Variants in KSR2 observed in about 807,000 individuals in gnomAD.
The protein encoded by KSR2 is kinase suppressor of ras 2.
Under a neutral mutation model 107.8 loss-of-function variants are expected in KSR2, and 25 were observed. The observed-to-expected ratio is 0.23, with a 90% CI of 0.17 to 0.32. The LOEUF (loss-of-function observed/expected upper bound fraction) is 0.32, where lower values mean the gene tolerates loss of function less well. Among genes scored for constraint, KSR2 ranks in the 10% least tolerant of loss-of-function variants. The pLI, the probability that KSR2 is intolerant of heterozygous loss-of-function variation, is 1.00. For missense variants in KSR2, 887 were observed against 1,268.9 expected, an observed-to-expected ratio of 0.70 and a Z score of 4.57; for synonymous variants, 480 against 507.0, an observed-to-expected ratio of 0.95 and a Z score of 0.71.
rs12426135 is a variant in KSR2, at chr12:117,520,521, C to T, written c.2219+4331G>A. On this transcript the variant is annotated intron_variant, in intron 14 of 19. Transcript: ENST00000339824. ...ATAACACAGGGTTTGCCAGTCTGAC[C>T]GAGGGCAGCAAAATGGGGTGAAAGC... Among the ~76,000 whole-genome samples, 1,011 of 152,222 alleles carry T rather than the reference C, an allele frequency of 6.6e-3. 20 individuals carry two copies. Among genetic ancestry groups the T allele is most frequent in the East Asian group, 0.06 (312 of 5,182 alleles).
At chr12:117,869,764 A>G (rs773693255) in intron 1 of KSR2, among the ~76,000 whole-genome samples, 21 of 152,210 alleles carry the variant, frequency 1.4e-4, no homozygotes, top group Non-Finnish European at 2.6e-4. Flanking sequence ...TGATGTGAGC[A>G]GTTCTGTGAT....
At position 117,457,126 on chromosome 12, in the gene KSR2, T is replaced by C. The variant is rs1870664033; in HGVS notation, c.*10073A>G. The C allele has an allele frequency of 6.6e-6, 1 of 152,268 alleles. No individual in the cohort carries two copies. The highest frequency in any genetic ancestry group is 6.5e-5 in the Admixed American group (1 of 15,288). 9.4% of individuals were successfully genotyped at this position (152,268 alleles called of 1,614,324 possible). ...GACTGGAGATTTCAGCCCCTGTCCGTGCAGACGGTGAAAGGCAAGTCCACA... is the reference window on the plus strand; with the variant it reads ...GACTGGAGATTTCAGCCCCTGTCCGCGCAGACGGTGAAAGGCAAGTCCACA... On this transcript the variant is annotated 3_prime_UTR_variant, in exon 20 of 20. Transcript: ENST00000339824.
At chr12:117,568,935 T>C (rs1878705663) in intron 7 of KSR2, among the ~76,000 whole-genome samples, 1 of 152,238 alleles carries the variant, frequency 6.6e-6, no homozygotes, top group Non-Finnish European at 1.5e-5. Flanking sequence ...GCTGGTGATC[T>C]CTGAAATACT....
chr12:117,905,767 GA>G (rs1419129182), intron 1 of KSR2, among the ~76,000 whole-genome samples: 1 of 151,426 alleles, frequency 6.6e-6, no homozygotes, highest in Non-Finnish European at 1.5e-5. Context: ...GTGATACAAG[GA>G]AAATAATAAA....
intron 3 of KSR2, among the ~76,000 whole-genome samples, chr12:117,771,411 C>A (rs914263511): frequency 1.3e-5 from 2 of 152,152 alleles, no homozygotes; most frequent in Non-Finnish European, 2.9e-5. Context: ...TCATGTCTCC[C>A]TAAAATGTAT....
intron 3 of KSR2, among the ~76,000 whole-genome samples, chr12:117,816,037 G>GTC (rs1202902737): frequency 1.5e-5 from 2 of 135,284 alleles, no homozygotes; most frequent in African/African-American, 5.8e-5. Context: ...GTGTGTGTGT[G>GTC]TGTTGGGGAG....
At chr12:117,911,302 C>T (rs115386639) in intron 1 of KSR2, among the ~76,000 whole-genome samples, 44 of 152,188 alleles carry the variant, frequency 2.9e-4, no homozygotes, top group African/African-American at 1.0e-3. Context: ...CTGCCACATC[C>T]GAGCCAAATA....
At chr12:117,901,100 C>T (rs1174902332) in intron 1 of KSR2, among the ~76,000 whole-genome samples, 2 of 152,024 alleles carry the variant, frequency 1.3e-5, no homozygotes, top group African/African-American at 4.8e-5. Context: ...TGAAACAGTG[C>T]ACAGTGCGTC....
At chr12:117,731,760 T>C (rs558270704) in intron 4 of KSR2, among the ~76,000 whole-genome samples, 1 of 152,038 alleles carries the variant, frequency 6.6e-6, no homozygotes, top group African/African-American at 2.4e-5. Flanking sequence ...CTCTGAAACA[T>C]GTGCTGTGTC....
At chr12:117,824,899 G>T (rs1199031786) in intron 3 of KSR2, among the ~76,000 whole-genome samples, 2 of 149,186 alleles carry the variant, frequency 1.3e-5, no homozygotes, top group Admixed American at 1.3e-4. Context: ...ACCTGACAAA[G>T]CTGGGAGCAG....
chr12:117,723,353 CCATCA>C (rs1887288577), intron 4 of KSR2, among the ~76,000 whole-genome samples: 1 of 152,118 alleles, frequency 6.6e-6, no homozygotes, highest in African/African-American at 2.4e-5. Flanking sequence ...TTCAACCAAC[CCATCA>C]CAACAGTTCC....
intron 1 of KSR2, among the ~76,000 whole-genome samples, chr12:117,918,274 C>T (rs529165740): frequency 6.6e-6 from 1 of 152,286 alleles, no homozygotes; most frequent in African/African-American, 2.4e-5. Flanking sequence ...TGTGCAAAAT[C>T]CTAAAACATG....
At chr12:117,481,160 G>A (rs946505851) in intron 16 of KSR2, among the ~76,000 whole-genome samples, 1 of 152,098 alleles carries the variant, frequency 6.6e-6, no homozygotes, top group Non-Finnish European at 1.5e-5. Flanking sequence ...GGTGCTATTA[G>A]TGCCTGCCCC....
chr12:117,570,173 T>C (rs529915697), intron 7 of KSR2, among the ~76,000 whole-genome samples: 1 of 152,252 alleles, frequency 6.6e-6, no homozygotes, highest in African/African-American at 2.4e-5. Context: ...CGGCTAATTT[T>C]TTGTATTTTC....
chr12:117,710,160 C>G (rs772394030), intron 4 of KSR2, among the ~76,000 whole-genome samples: 1 of 151,872 alleles, frequency 6.6e-6, no homozygotes, highest in African/African-American at 2.4e-5. Flanking sequence ...CGAGCCCCGA[C>G]AGGTAATGAT....
intron 3 of KSR2, among the ~76,000 whole-genome samples, chr12:117,819,111 G>T (rs970650782): frequency 6.6e-6 from 1 of 151,904 alleles, no homozygotes; most frequent in Non-Finnish European, 1.5e-5. Context: ...TGAGATCAGG[G>T]GCTAGGTCTG....
At chr12:117,967,101 G>T (rs1343862034) in intron 1 of KSR2, among the ~76,000 whole-genome samples, 1 of 152,174 alleles carries the variant, frequency 6.6e-6, no homozygotes, top group Non-Finnish European at 1.5e-5. Flanking sequence ...CAGTGATCTC[G>T]TGGACACCAG....
At chr12:117,800,712 C>T (rs1002084856) in intron 3 of KSR2, among the ~76,000 whole-genome samples, 2 of 152,102 alleles carry the variant, frequency 1.3e-5, no homozygotes, top group African/African-American at 4.8e-5. Context: ...TTAAGCCCCA[C>T]GTGCATTAGG....
chr12:117,800,710 C>T (rs1363451299), intron 3 of KSR2, among the ~76,000 whole-genome samples: 3 of 152,124 alleles, frequency 2.0e-5, no homozygotes, highest in Non-Finnish European at 2.9e-5. Flanking sequence ...TTTTAAGCCC[C>T]ACGTGCATTA....
Sources: allele counts gnomAD v4.1 joint callset (sites outside exome capture counted in the v4.1 genomes callset), GRCh38; gene constraint gnomAD v4.1.1; transcripts MANE v1.5; gene names NCBI Gene and HGNC (gene_info 2026-07-23, HGNC 2026-07-21).